CPB2: variants seen among roughly 807,000 people sequenced by gnomAD.
The protein encoded by CPB2 is carboxypeptidase B-like protein.
In CPB2, 54 loss-of-function variants were observed where a neutral mutation model predicts 57.0. That is an observed-to-expected ratio of 0.95 (90% CI 0.76 to 1.19). The LOEUF (loss-of-function observed/expected upper bound fraction) is 1.19. Ranked by LOEUF, CPB2 falls within the 50% of genes most tolerant of loss-of-function variation. CPB2 has a pLI of 0.00. For synonymous variants in CPB2, 189 were observed against 178.1 expected, an observed-to-expected ratio of 1.06 and a Z score of -0.49; for missense variants, 426 against 512.0, an observed-to-expected ratio of 0.83 and a Z score of 1.62.
At chr13:46,071,677 C>G (rs1158573564) in intron 6 of CPB2, among the ~76,000 whole-genome samples, 1 of 152,160 alleles carries the variant, frequency 6.6e-6, no homozygotes, top group African/African-American at 2.4e-5. Flanking sequence ...GTGTAAGTTT[C>G]TGAGAAGAGA....
At chr13:46,070,358 C>T (rs4942471) in intron 6 of CPB2, among the ~76,000 whole-genome samples, 52,228 of 151,896 alleles carry the variant, frequency 0.34, 9,204 homozygotes, top group African/African-American at 0.39. Flanking sequence ...CATAACCCCA[C>T]CATAAATTGA....
Position 46,053,666 on chromosome 13 carries a change from T to C in CPB2, c.1220A>G (p.Glu407Gly). 6.2e-7 allele frequency: 1 copy of C among 1,614,116 alleles called. No individual in the cohort carries two copies. Among genetic ancestry groups the C allele is most frequent in the South Asian group, 1.1e-5 (1 of 91,078 alleles). Reference protein sequence around the residue: ...PERYIKPTCREAFAAVSKIAW... With the variant: ...PERYIKPTCRGAFAAVSKIAW... The stretch of plus-strand genomic sequence containing the variant: ...TATTTTAGAGACAGCGGCAAAAGCT[T>C]CTCTACAGGTGGGTTTGATGTAACG... The change falls in exon 11 of 11, where the codon GAA (glutamate) becomes GGA (glycine). Residue 407 changes from glutamate (E) to glycine (G), a missense_variant. Coordinates refer to ENST00000181383, the MANE Select transcript of CPB2 (RefSeq NM_001872.5).
At chr13:46,058,522 G>C (rs2044729006) in intron 8 of CPB2, 141 bp from the exon 9 acceptor site, 2 of 670,016 alleles carry the variant, frequency 3.0e-6, no homozygotes, top group Admixed American at 2.8e-5. Flanking sequence ...AAAGAACATA[G>C]TTCCACTAAG....
At chr13:46,054,567 G>A (rs927055716) in intron 10 of CPB2, among the ~76,000 whole-genome samples, 1 of 151,344 alleles carries the variant, frequency 6.6e-6, no homozygotes, top group Non-Finnish European at 1.5e-5. Context: ...GACTTTTTTT[G>A]GGGGGGTGCT....
intron 7 of CPB2, 130 bp downstream of exon 7, chr13:46,067,177 C>A (rs1593889750): frequency 6.5e-6 from 3 of 463,888 alleles, no homozygotes; most frequent in Non-Finnish European, 1.1e-5. Flanking sequence ...TGACATTTTC[C>A]ACAATAAAAG....
At chr13:46,070,722 TATATC>T (rs2044927739) in intron 6 of CPB2, among the ~76,000 whole-genome samples, 1 of 152,178 alleles carries the variant, frequency 6.6e-6, no homozygotes, top group African/African-American at 2.4e-5. Context: ...CCATTACAAA[TATATC>T]AGAGAGCTAT....
chr13:46,057,316 A>G (rs979228988), intron 9 of CPB2, among the ~76,000 whole-genome samples: 1 of 152,190 alleles, frequency 6.6e-6, no homozygotes, highest in African/African-American at 2.4e-5. Flanking sequence ...TAAATGGGCT[A>G]TTTTCAGAGA....
In CPB2 at chr13:46,058,292, A is replaced by G; in HGVS notation, c.886T>C (p.Leu296=). Residue 296 remains leucine (L), a synonymous_variant, in exon 9 of 11, where the codon TTG becomes CTG. Transcript: ENST00000181383. ...TTAATCTGGTTGATATTTCTTCTCA[A>G]GAAACTAGCCACTGCCTTCACTTCT... The part of the protein sequence containing the change: ...EPEVKAVASF[L]RRNINQIKAY... 1 of 1,614,150 alleles carries G rather than the reference A, an allele frequency of 6.2e-7. No individual in the cohort carries two copies. Among genetic ancestry groups the G allele is most frequent in the South Asian group, 1.1e-5 (1 of 91,084 alleles).
intron 1 of CPB2, among the ~76,000 whole-genome samples, chr13:46,089,667 A>C (rs1328791404): frequency 6.6e-6 from 1 of 152,180 alleles, no homozygotes; most frequent in Non-Finnish European, 1.5e-5. Flanking sequence ...GGAGGTGATT[A>C]GGTCATAAGG....
chr13:46,078,759 C>A (rs368633103), intron 5 of CPB2, 41 bp downstream of exon 5: 1 of 1,241,286 alleles, frequency 8.1e-7, no homozygotes, highest in Non-Finnish European at 1.2e-6. Flanking sequence ...ATTAATCCCT[C>A]CCCTCACAGT....
intron 2 of CPB2, among the ~76,000 whole-genome samples, chr13:46,085,562 C>T (rs1293910557): frequency 6.6e-6 from 1 of 152,164 alleles, no homozygotes; most frequent in Non-Finnish European, 1.5e-5. Context: ...CTTCTTTGGA[C>T]CTGCCCTATA....
intron 8 of CPB2, among the ~76,000 whole-genome samples, chr13:46,059,648 T>C (rs2044744366): frequency 6.6e-6 from 1 of 152,074 alleles, no homozygotes; most frequent in East Asian, 1.9e-4. Flanking sequence ...AAGAAGCCAG[T>C]GTGCATCACA....
At chr13:46,087,861 G>C in intron 1 of CPB2, 41 bp from the exon 2 acceptor site, 1 of 1,338,074 alleles carries the variant, frequency 7.5e-7, no homozygotes, top group Non-Finnish European at 1.1e-6. Flanking sequence ...ATTAAATAAA[G>C]AGTAAAGATG....
intron 1 of CPB2, among the ~76,000 whole-genome samples, chr13:46,090,448 C>T (rs142097368): frequency 1.3e-4 from 19 of 151,338 alleles, no homozygotes; most frequent in East Asian, 7.8e-4. Context: ...GTGCAACCTC[C>T]GCCTCCCAGG....
intron 5 of CPB2, among the ~76,000 whole-genome samples, chr13:46,074,770 G>T (rs1351774856): frequency 6.6e-6 from 1 of 152,178 alleles, no homozygotes. Context: ...CAGAGTTGGG[G>T]TGGAATCAGT....
chr13:46,082,634 C>A, intron 3 of CPB2, 85 bp from the exon 4 acceptor site: 8 of 741,322 alleles, frequency 1.1e-5, no homozygotes, highest in Admixed American at 4.8e-5. Context: ...AGCAGGTGAG[C>A]ATGAAGAAAA....
Position 46,077,277 on chromosome 13 carries a change from A to T in CPB2, c.486+1523T>A, listed in dbSNP as rs149221607. Reference sequence around the variant, plus strand: ...AAATGAGAAAGGAATCTGAACAGACATTTCTCAAAAGAAGACACACAAATG... The same window carrying T: ...AAATGAGAAAGGAATCTGAACAGACTTTTCTCAAAAGAAGACACACAAATG... On this transcript the variant is annotated intron_variant, in intron 5 of 10. Coordinates refer to ENST00000181383, the MANE Select transcript of CPB2 (RefSeq NM_001872.5). 4.4e-3 allele frequency among the ~76,000 whole-genome samples: 670 copies of T among 152,306 alleles called. 4 individuals carry two copies. The highest frequency in any genetic ancestry group is 5.9e-3 in the Non-Finnish European group (401 of 68,000).
intron 5 of CPB2, among the ~76,000 whole-genome samples, chr13:46,077,540 G>T (rs2045041863): frequency 6.6e-6 from 1 of 152,054 alleles, no homozygotes; most frequent in African/African-American, 2.4e-5. Context: ...ACTAAAAATG[G>T]AACTACCATA....
chr13:46,058,190 G>A lies in CPB2; in HGVS notation c.988C>T (p.His330Tyr). 1 of 1,612,030 alleles carries A rather than the reference G, an allele frequency of 6.2e-7. No homozygotes were observed. Among genetic ancestry groups the A allele is most frequent in the South Asian group, 1.1e-5 (1 of 90,972 alleles). The part of the protein sequence containing the change: ...YSYTRSKSKD[H>Y]EELSLVASEA... The stretch of plus-strand genomic sequence containing the variant: ...TAAGTAGCACTTACCAGTTCCTCAT[G>A]GTCTTTGCTTTTACTTCGTGTATAG... The change falls in exon 9 of 11, where the codon CAT becomes TAT. Residue 330 changes from histidine (H) to tyrosine (Y), a missense_variant. His to Tyr is a moderately conservative substitution (Grantham distance 83). Transcript: ENST00000181383.
Sources: allele counts gnomAD v4.1 joint callset (sites outside exome capture counted in the v4.1 genomes callset), GRCh38; gene constraint gnomAD v4.1.1; transcripts MANE v1.5; gene names NCBI Gene and HGNC (gene_info 2026-07-23, HGNC 2026-07-21).